Variants in ACSM2B observed in about 807,000 individuals in gnomAD.
ACSM2B encodes acyl-coenzyme A synthetase ACSM2B, mitochondrial.
Under a neutral mutation model 78.6 loss-of-function variants are expected in ACSM2B, and 58 were observed. The observed-to-expected ratio is 0.74, with a 90% confidence interval of 0.60 to 0.92. The LOEUF is 0.92. Ranked by LOEUF, ACSM2B falls within the 40% of genes least tolerant of loss-of-function variation. ACSM2B has a pLI of 0.00. For missense variants in ACSM2B, 688 were observed against 711.2 expected (o/e 0.97, Z 0.37); for synonymous variants, 257 against 256.8 (o/e 1.00, Z -0.01).
intron 5 of ACSM2B, 24 bp downstream of exon 5, chr16:20,553,753 G>A: frequency 6.2e-7 from 1 of 1,605,936 alleles, no homozygotes; most frequent in Non-Finnish European, 8.5e-7. Context: ...GCAATTCTCT[G>A]TAGAGAGAAA....
intron 2 of ACSM2B, among the ~76,000 whole-genome samples, chr16:20,564,060 G>A (rs1035344430): frequency 2.6e-5 from 4 of 151,608 alleles, no homozygotes; most frequent in Admixed American, 1.3e-4. Flanking sequence ...ACAGGGACAC[G>A]TGACCTAACT....
intron 9 of ACSM2B, among the ~76,000 whole-genome samples, 178 bp from the exon 10 acceptor site, chr16:20,545,436 C>T (rs1399002560): frequency 2.0e-5 from 3 of 152,152 alleles, no homozygotes; most frequent in Non-Finnish European, 4.4e-5. Flanking sequence ...ATCCACCTGC[C>T]TGGAATAGTT....
intron 4 of ACSM2B, among the ~76,000 whole-genome samples, chr16:20,554,329 G>A (rs2015405582): frequency 6.6e-6 from 1 of 152,080 alleles, no homozygotes; most frequent in Admixed American, 6.5e-5. Context: ...CAGGAGGGGT[G>A]GAATTAATAC....
intron 3 of ACSM2B, among the ~76,000 whole-genome samples, 183 bp downstream of exon 3, chr16:20,559,054 T>G (rs1406263336): frequency 6.6e-6 from 1 of 152,232 alleles, no homozygotes; most frequent in East Asian, 1.9e-4. Context: ...TTGTTCACCC[T>G]GCATAAGTGC....
At chr16:20,538,301 C>A (rs559511931) in intron 13 of ACSM2B, among the ~76,000 whole-genome samples, 2 of 152,276 alleles carry the variant, frequency 1.3e-5, no homozygotes, top group East Asian at 3.9e-4. Flanking sequence ...CTATGGCCCG[C>A]AGGCAAAATA....
chr16:20,553,728 T>G, intron 5 of ACSM2B, 49 bp downstream of exon 5: 1 of 1,593,962 alleles, frequency 6.3e-7, no homozygotes, highest in Non-Finnish European at 8.6e-7. Flanking sequence ...CAGAAACGTC[T>G]TCATGCCTGG....
At chr16:20,569,508 T>A (rs1161280227) in intron 1 of ACSM2B, among the ~76,000 whole-genome samples, 1 of 152,082 alleles carries the variant, frequency 6.6e-6, no homozygotes, top group Non-Finnish European at 1.5e-5. Flanking sequence ...GGTAATGTGA[T>A]GCCTCCAGAT....
chr16:20,549,976 T>A (rs1385568711), intron 6 of ACSM2B: 1 of 301,844 alleles, frequency 3.3e-6, no homozygotes, highest in Non-Finnish European at 6.4e-6. Flanking sequence ...GACACTAGGC[T>A]TTTTAGACAG....
intron 5 of ACSM2B, among the ~76,000 whole-genome samples, chr16:20,552,703 C>T (rs1009445845): frequency 1.3e-5 from 2 of 152,176 alleles, no homozygotes; most frequent in African/African-American, 4.8e-5. Flanking sequence ...TAGAACTTTG[C>T]TTCTCTTTTC....
At chr16:20,548,866 C>A (rs920052476) in intron 6 of ACSM2B, among the ~76,000 whole-genome samples, 7 of 152,078 alleles carry the variant, frequency 4.6e-5, no homozygotes, top group African/African-American at 1.4e-4. Context: ...CTTTCTGTAG[C>A]CAGCTTTATA....
chr16:20,569,510 C>T (rs2016034935), intron 1 of ACSM2B, among the ~76,000 whole-genome samples: 1 of 151,920 alleles, frequency 6.6e-6, no homozygotes, highest in South Asian at 2.1e-4. Flanking sequence ...TAATGTGATG[C>T]CTCCAGATTT....
chr16:20,548,145 C>A lies in ACSM2B; in HGVS notation c.1015G>T (p.Glu339Ter), dbSNP rs58301506. The A allele has an allele frequency of 3.2e-4, 510 of 1,614,024 alleles. 4 individuals carry two copies. The African/African-American group carries it at 6.1e-3, about 19-fold the overall frequency. ...PHLQNCLAGGESLLPETLENW... is the reference protein window; with the variant it reads ...PHLQNCLAGG Reference sequence around the variant, plus strand: ...TCCAGAGTTTCTGGAAGAAGGGACTCCCCTCCAGCGAGGCAGTTCTGTAGA... The same window carrying A: ...TCCAGAGTTTCTGGAAGAAGGGACTACCCTCCAGCGAGGCAGTTCTGTAGA... Residue 339 changes from glutamate (E) to a stop codon, truncating the protein, a stop_gained, in exon 8 of 14, where the codon GAG (glutamate) becomes TAG (stop). Coordinates refer to ENST00000329697, the MANE Select transcript of ACSM2B (RefSeq NM_001105069.2). LOFTEE classifies it high-confidence loss of function.
At chr16:20,551,763 T>C (rs1400620603) in intron 6 of ACSM2B, among the ~76,000 whole-genome samples, 1 of 152,052 alleles carries the variant, frequency 6.6e-6, no homozygotes, top group Admixed American at 6.5e-5. Context: ...AAATGTGCAC[T>C]CACAAACACA....
intron 4 of ACSM2B, among the ~76,000 whole-genome samples, chr16:20,554,923 G>A (rs1195403371): frequency 3.3e-5 from 5 of 152,078 alleles, no homozygotes; most frequent in East Asian, 1.9e-4. Context: ...CACTCTTCAC[G>A]CATGAGTGCG....
Position 20,548,481 on chromosome 16 carries a change from A to G in ACSM2B, c.895-8T>C. 6.2e-7 allele frequency: 1 copy of G among 1,613,604 alleles called. No individual in the cohort carries two copies. Among genetic ancestry groups the G allele is most frequent in the Non-Finnish European group, 8.5e-7 (1 of 1,179,658 alleles). ...TGGATAACTGGAGAGTGTCTGGAAGACAAGAGCCAGGTGAGACATTGGTCA... is the reference window on the plus strand; with the variant it reads ...TGGATAACTGGAGAGTGTCTGGAAGGCAAGAGCCAGGTGAGACATTGGTCA... On this transcript the variant is annotated splice_polypyrimidine_tract_variant and splice_region_variant and intron_variant, in intron 6 of 13. Coordinates refer to ENST00000329697, the MANE Select transcript of ACSM2B (RefSeq NM_001105069.2).
intron 1 of ACSM2B, chr16:20,574,680 G>A (rs1406065640): frequency 6.8e-6 from 1 of 147,274 alleles, no homozygotes; most frequent in Non-Finnish European, 1.5e-5. Flanking sequence ...TTTAACAGTA[G>A]ATACTTGGCG....
chr16:20,538,455 G>A (rs11648341), intron 13 of ACSM2B, among the ~76,000 whole-genome samples: 120,370 of 152,140 alleles, frequency 0.79, 48,173 homozygotes, highest in Non-Finnish European at 0.82. Context: ...TACTATTTGG[G>A]CCCCAAAGGG....
intron 3 of ACSM2B, among the ~76,000 whole-genome samples, chr16:20,558,138 A>C (rs2015533252): frequency 6.6e-6 from 1 of 152,170 alleles, no homozygotes. Context: ...AGATTACATC[A>C]TTATGGTAAA....
chr16:20,574,712 T>C lies in ACSM2B; in HGVS notation c.-9+1495A>G, dbSNP rs2016196659. On this transcript the variant is annotated intron_variant, in intron 1 of 13. Coordinates refer to ENST00000329697, the MANE Select transcript of ACSM2B (RefSeq NM_001105069.2). ...GGCGAGGCTGTGCATGGTGAGGCTG[T>C]GCATGCACCTTTCATTGCAGGTCAG... 2.7e-5 allele frequency: 4 copies of C among 147,330 alleles called. No homozygotes were observed. In the South Asian group the frequency reaches 8.5e-4, roughly 31 times the overall value. The allele number at this position is 147,330 out of a possible 1,614,324, so 9.1% of individuals were successfully genotyped here.
Sources: gnomAD v4.1 joint callset for allele counts (sites outside exome capture counted in the v4.1 genomes callset) on GRCh38, gnomAD v4.1.1 for gene constraint, MANE v1.5 for transcripts, NCBI Gene and HGNC (gene_info 2026-07-23, HGNC 2026-07-21) for gene names.